Variants in GIT1 observed in about 807,000 individuals in gnomAD.
GIT1 encodes ARF GTPase-activating protein GIT1.
Under a neutral mutation model 91.7 loss-of-function variants are expected in GIT1, and 14 were observed. The ratio of observed to expected loss-of-function variants is 0.15; its 90% CI spans 0.10 to 0.24. The LOEUF (loss-of-function observed/expected upper bound fraction) is 0.24, where lower values mean the gene tolerates loss of function less well. Among genes scored for constraint, GIT1 ranks in the 10% least tolerant of loss-of-function variants. The probability of loss-of-function intolerance (pLI) is 1.00; values close to 1 mark genes in which losing one functional copy is unlikely to be tolerated. For missense variants in GIT1, 717 were observed against 1,024.9 expected (o/e 0.70, Z 4.10); for synonymous variants, 414 against 418.2 (o/e 0.99, Z 0.12).
Position 29,577,207 on chromosome 17 carries a change from G to A in GIT1, c.1022C>T (p.Ala341Val), listed in dbSNP as rs375532278. The change falls in exon 11 of 20, where the codon GCC (alanine) becomes GTC (valine). Residue 341 changes from alanine to valine, a missense_variant. Transcript: ENST00000225394. ...ACTGAGAATGTCGATGATCAAGGTGGCAAACTCTCGGGCATTAAAGCGGGC... is the reference window on the plus strand; with the variant it reads ...ACTGAGAATGTCGATGATCAAGGTGACAAACTCTCGGGCATTAAAGCGGGC... ...KLARFNAREF[A>V]TLIIDILSEA... The A allele has an allele frequency of 1.2e-6, 2 of 1,613,804 alleles. No individual in the cohort carries two copies. The highest frequency in any genetic ancestry group is 1.1e-5 in the South Asian group (1 of 91,094).
In GIT1 at chr17:29,576,147, CAGCG is replaced by C. The variant is rs1462011368; in HGVS notation, c.1612-20_1612-17del. Reference sequence around the variant, plus strand: ...CCTCTAGCTCCTGGGGATGTTAGCACAGCGAGCGTCATGGTGGACCCTGCGGCAG... The same window carrying C: ...CCTCTAGCTCCTGGGGATGTTAGCACAGCGTCATGGTGGACCCTGCGGCAG... On this transcript the variant is annotated splice_polypyrimidine_tract_variant and intron_variant, in intron 14 of 19. Coordinates refer to ENST00000225394, the MANE Select transcript of GIT1 (RefSeq NM_014030.4). 7 of 1,613,410 alleles carry C rather than the reference CAGCG, an allele frequency of 4.3e-6. No individual in the cohort carries two copies. The highest frequency in any genetic ancestry group is 5.9e-6 in the Non-Finnish European group (7 of 1,179,826).
chr17:29,577,949 G>A (rs2033270225), intron 9 of GIT1, among the ~76,000 whole-genome samples: 1 of 152,252 alleles, frequency 6.6e-6, no homozygotes, highest in East Asian at 1.9e-4. Context: ...ATGGAACAAG[G>A]CCAGTGCCAC....
chr17:29,588,039 GA>G, intron 1 of GIT1, among the ~76,000 whole-genome samples: 1 of 152,254 alleles, frequency 6.6e-6, no homozygotes, highest in Admixed American at 6.5e-5. Flanking sequence ...ACCACCTATG[GA>G]GTATTTTGTG....
In GIT1 at chr17:29,581,472, C is replaced by T; in HGVS notation, c.719-92G>A. The T allele has an allele frequency of 1.9e-6, 2 of 1,033,694 alleles. No homozygotes were observed. Among genetic ancestry groups the T allele is most frequent in the Non-Finnish European group, 3.0e-6 (2 of 655,942 alleles). The allele number at this position is 1,033,694 out of a possible 1,614,324, so 64.0% of individuals were successfully genotyped here. A position where few individuals can be genotyped will look rare whatever the true frequency, so the allele number is the denominator to read the frequency against. On this transcript the variant is annotated intron_variant, in intron 6 of 19. Transcript: ENST00000225394. This position sits in a 1 kb window ranked among gnomAD's most constrained non-coding sequence, Gnocchi z 4.8. ...CTCACTGCCATGAGCAGGGCTGGCA[C>T]CCAGAAGTGTCAGGGGAAAGTGGGG...
At chr17:29,583,204 C>G (rs929730756) in intron 2 of GIT1, among the ~76,000 whole-genome samples, 167 bp from the exon 3 acceptor site, 1 of 152,210 alleles carries the variant, frequency 6.6e-6, no homozygotes, top group African/African-American at 2.4e-5. Context: ...CCCAAAGACA[C>G]AGATCCCATG....
rs2033094175 is a variant in GIT1, at chr17:29,574,129, A to G, written c.*573T>C. The stretch of plus-strand genomic sequence containing the variant: ...AATTAAGGGGTGGGGAAGAAGAAAG[A>G]AAAAAAAAAAACAGACTTTCCAGTG... On this transcript the variant is annotated 3_prime_UTR_variant, in exon 20 of 20. Coordinates refer to ENST00000225394, the MANE Select transcript of GIT1 (RefSeq NM_014030.4). 6.8e-6 allele frequency: 1 copy of G among 146,404 alleles called. No homozygotes were observed. The highest frequency in any genetic ancestry group is 1.5e-5 in the Non-Finnish European group (1 of 65,836). 9.1% of individuals were successfully genotyped at this position (146,404 alleles called of 1,614,324 possible). A position where few individuals can be genotyped will look rare whatever the true frequency, so the allele number is the denominator to read the frequency against.
intron 1 of GIT1, among the ~76,000 whole-genome samples, chr17:29,587,761 A>C (rs780339285): frequency 9.9e-5 from 15 of 152,192 alleles, no homozygotes; most frequent in Non-Finnish European, 1.9e-4. Context: ...TTGGGATTAC[A>C]GAGTAAGCTG....
chr17:29,575,756 C>A lies in GIT1; in HGVS notation c.1753-53G>T. 6.3e-6 allele frequency: 10 copies of A among 1,598,958 alleles called. No individual in the cohort carries two copies. Among genetic ancestry groups the A allele is most frequent in the Non-Finnish European group, 8.5e-6 (10 of 1,173,700 alleles). ...GCGCCGTGTTCCTGGACCCACACTGCCCCTAGCCCACACGGCCCCCAGCCA... is the reference window on the plus strand; with the variant it reads ...GCGCCGTGTTCCTGGACCCACACTGACCCTAGCCCACACGGCCCCCAGCCA... On this transcript the variant is annotated intron_variant, in intron 16 of 19. Transcript: ENST00000225394. The surrounding 1 kb of genome is among the most constrained non-coding windows in gnomAD (Gnocchi z 5.5).
In GIT1 at chr17:29,575,796, G is replaced by A; in HGVS notation, c.1752+16C>T. 1.2e-6 allele frequency: 2 copies of A among 1,612,562 alleles called. No individual in the cohort carries two copies. The highest frequency in any genetic ancestry group is 1.7e-5 in the Admixed American group (1 of 59,950). On this transcript the variant is annotated intron_variant, in intron 16 of 19. Transcript: ENST00000225394. This position sits in a 1 kb window ranked among gnomAD's most constrained non-coding sequence, Gnocchi z 5.5. ...GCCCCCAGCCACCCTGTGGGCACTGGGCATGGAAACATTACCGTGTGGCGG... is the reference window on the plus strand; with the variant it reads ...GCCCCCAGCCACCCTGTGGGCACTGAGCATGGAAACATTACCGTGTGGCGG...
intron 1 of GIT1, among the ~76,000 whole-genome samples, chr17:29,588,621 C>G (rs2033681713): frequency 6.6e-6 from 1 of 152,128 alleles, no homozygotes; most frequent in Admixed American, 6.5e-5. Flanking sequence ...CTTTCCCAAG[C>G]AGGCCTTACC....
Position 29,581,891 on chromosome 17 carries a change from C to T in GIT1, c.623+36G>A, listed in dbSNP as rs765745780. 2 of 1,605,088 alleles carry T rather than the reference C, an allele frequency of 1.2e-6. No individual in the cohort carries two copies. Among genetic ancestry groups the T allele is most frequent in the Non-Finnish European group, 1.7e-6 (2 of 1,173,226 alleles). On this transcript the variant is annotated intron_variant, in intron 5 of 19. Coordinates refer to ENST00000225394, the MANE Select transcript of GIT1 (RefSeq NM_014030.4). This position sits in a 1 kb window ranked among gnomAD's most constrained non-coding sequence, Gnocchi z 4.8. The stretch of plus-strand genomic sequence containing the variant: ...CAGCAGCAGCCCTCACCCACACCCC[C>T]ACCCACCCACACTGCACCCTTCAGC...
chr17:29,574,737 G>A lies in GIT1; in HGVS notation c.2251C>T (p.Leu751=). 6.2e-7 allele frequency: 1 copy of A among 1,613,604 alleles called. No homozygotes were observed. Among genetic ancestry groups the A allele is most frequent in the South Asian group, 1.1e-5 (1 of 91,078 alleles). Residue 751 remains leucine (L), a synonymous_variant, in exon 20 of 20, where the codon CTG becomes TTG. Coordinates refer to ENST00000225394, the MANE Select transcript of GIT1 (RefSeq NM_014030.4). Reference sequence around the variant, plus strand: ...TTCTCTCGGGTGGTGATGGTGACCAGCTGCTTGGCAGCCTTGGCGATGTCA... The same window carrying A: ...TTCTCTCGGGTGGTGATGGTGACCAACTGCTTGGCAGCCTTGGCGATGTCA... ...AYDIAKAAKQ[L]VTITTREKKQ
intron 7 of GIT1, among the ~76,000 whole-genome samples, chr17:29,579,816 A>T (rs1301597391): frequency 6.6e-6 from 1 of 152,038 alleles, no homozygotes; most frequent in Admixed American, 6.6e-5. Context: ...TTTCCAGGAG[A>T]GATAACCAAG....
At chr17:29,584,897 G>A (rs2150851302) in intron 1 of GIT1, among the ~76,000 whole-genome samples, 1 of 151,642 alleles carries the variant, frequency 6.6e-6, no homozygotes, top group East Asian at 1.9e-4. Context: ...CCCACAGCAA[G>A]TGACCCCCAC....
In GIT1 at chr17:29,578,705, T is replaced by C. The variant is rs1276747936; in HGVS notation, c.810+26A>G. ...ATCAGAGAGGGGCCAGCTTCAAGTG[T>C]CAGGGCACTGTTGGAGCAGACTTAC... On this transcript the variant is annotated intron_variant, in intron 8 of 19. Coordinates refer to ENST00000225394, the MANE Select transcript of GIT1 (RefSeq NM_014030.4). The C allele has an allele frequency of 1.9e-6, 3 of 1,605,736 alleles. No individual in the cohort carries two copies. The Admixed American group carries it at 5.0e-5, about 27-fold the overall frequency.
rs2033732586 is a variant in GIT1, at chr17:29,589,471, C to CGGCTCCGGCGA, written c.-104_-94dup. 1 of 408,394 alleles carries CGGCTCCGGCGA rather than the reference C, an allele frequency of 2.4e-6. No individual in the cohort carries two copies. Among genetic ancestry groups the CGGCTCCGGCGA allele is most frequent in the Admixed American group, 6.6e-5 (1 of 15,038 alleles). The allele number at this position is 408,394 out of a possible 1,614,324, so 25.3% of individuals were successfully genotyped here. A position where few individuals can be genotyped will look rare whatever the true frequency, so the allele number is the denominator to read the frequency against. ...CGGCGGCGGCCCCTGCTGCCCGGCCCGGCTCCGGCGAGGCCCCGGCGAGGC... is the reference window on the plus strand; with the variant it reads ...CGGCGGCGGCCCCTGCTGCCCGGCCCGGCTCCGGCGAGGCTCCGGCGAGGCCCCGGCGAGGC... On this transcript the variant is annotated 5_prime_UTR_variant, in exon 1 of 20. Coordinates refer to ENST00000225394, the MANE Select transcript of GIT1 (RefSeq NM_014030.4). The surrounding 1 kb of genome is among the most constrained non-coding windows in gnomAD (Gnocchi z 5.2).
chr17:29,574,643 G>T lies in GIT1; in HGVS notation c.*59C>A. The T allele has an allele frequency of 7.5e-7, 1 of 1,327,956 alleles. No homozygotes were observed. Among genetic ancestry groups the T allele is most frequent in the Non-Finnish European group, 1.1e-6 (1 of 923,994 alleles). 82.3% of individuals were successfully genotyped at this position (1,327,956 alleles called of 1,614,324 possible). On this transcript the variant is annotated 3_prime_UTR_variant, in exon 20 of 20. Coordinates refer to ENST00000225394, the MANE Select transcript of GIT1 (RefSeq NM_014030.4). ...TGGGGTGGGGATTAATGTCTGGAGT[G>T]GCCCAGCTCCTATGGCCAGTGAGGT...
intron 14 of GIT1, 30 bp from the exon 15 acceptor site, chr17:29,576,161 G>C (rs199814781): frequency 3.5e-5 from 57 of 1,612,576 alleles, no homozygotes; most frequent in Non-Finnish European, 4.8e-5. Context: ...GAGCGTCATG[G>C]TGGACCCTGC....
intron 2 of GIT1, 78 bp downstream of exon 2, chr17:29,583,405 T>C (rs1396550677): frequency 6.7e-7 from 1 of 1,490,296 alleles, no homozygotes; most frequent in Non-Finnish European, 9.2e-7. Context: ...GGGGTGTATG[T>C]GGGTGAGGGG....
Sources: allele counts gnomAD v4.1 joint callset (sites outside exome capture counted in the v4.1 genomes callset), GRCh38; gene constraint gnomAD v4.1.1; non-coding constraint Gnocchi (gnomAD v3.1); transcripts MANE v1.5; gene names NCBI Gene and HGNC (gene_info 2026-07-23, HGNC 2026-07-21).